MDGA2: variants seen among roughly 807,000 people sequenced by gnomAD.
MDGA2 encodes the protein MAM domain containing glycosylphosphatidylinositol anchor 2, also known as MAM domain-containing glycosylphosphatidylinositol anchor protein 2.
A neutral mutation model predicts 117.8 loss-of-function variants in MDGA2; 40 were observed. The ratio of observed to expected loss-of-function variants is 0.34; its 90% CI spans 0.26 to 0.44. The LOEUF is 0.44. Among genes scored for constraint, MDGA2 ranks in the 20% least tolerant of loss-of-function variants. The probability of loss-of-function intolerance (pLI) is 1.00; values close to 1 mark genes in which losing one functional copy is unlikely to be tolerated. For missense variants in MDGA2, 1,123 were observed against 1,250.6 expected (o/e 0.90, Z 1.54); for synonymous variants, 452 against 439.0 (o/e 1.03, Z -0.37).
At chr14:47,098,436 C>T (rs72678484) in intron 5 of MDGA2, among the ~76,000 whole-genome samples, 16,941 of 151,480 alleles carry the variant, frequency 0.11, 1,085 homozygotes, top group Admixed American at 0.11. Context: ...ATTAGCCCTT[C>T]TGAGGAGTTA....
rs1485890179 is a variant in MDGA2, at chr14:47,035,234, C to A, written c.1596G>T (p.Leu532=). ...TAGGTTTGCCAGTTACTTGACATTG[C>A]AGTTCTATTGTGTCTCCTTCTCTGG... ...LVTREGDTIE[L]QCQVTGKPKP... Residue 532 remains leucine, a synonymous_variant, in exon 8 of 17, where the codon CTG becomes CTT. Transcript: ENST00000399232. The A allele has an allele frequency of 6.2e-7, 1 of 1,614,016 alleles. No homozygotes were observed. Among genetic ancestry groups the A allele is most frequent in the African/African-American group, 1.3e-5 (1 of 74,932 alleles).
chr14:47,203,836 G>A (rs942909269), intron 3 of MDGA2, among the ~76,000 whole-genome samples: 4 of 151,818 alleles, frequency 2.6e-5, no homozygotes, highest in South Asian at 2.1e-4. Flanking sequence ...GTTAAAACCC[G>A]CAATATGGTT....
intron 14 of MDGA2, among the ~76,000 whole-genome samples, chr14:46,869,948 T>A (rs1459531896): frequency 6.6e-6 from 1 of 151,878 alleles, no homozygotes; most frequent in African/African-American, 2.4e-5. Flanking sequence ...GCAAGTGGGC[T>A]TGGAAGTGTA....
intron 1 of MDGA2, among the ~76,000 whole-genome samples, chr14:47,647,351 T>C (rs1268526098): frequency 6.6e-6 from 1 of 152,122 alleles, no homozygotes; most frequent in South Asian, 2.1e-4. Flanking sequence ...TTGCACTGTA[T>C]GAATCTTTGT....
At chr14:46,992,448 G>T (rs1887128640) in intron 8 of MDGA2, among the ~76,000 whole-genome samples, 1 of 151,986 alleles carries the variant, frequency 6.6e-6, no homozygotes. Flanking sequence ...CTTCCCATAA[G>T]GGGACAATTA....
intron 1 of MDGA2, among the ~76,000 whole-genome samples, chr14:47,557,827 C>G (rs1161351975): frequency 6.6e-6 from 1 of 152,078 alleles, no homozygotes; most frequent in African/African-American, 2.4e-5. Context: ...TCATCTTTAA[C>G]AAACATTTGA....
intron 7 of MDGA2, among the ~76,000 whole-genome samples, chr14:47,053,628 TATATATATATATATATATATATATATAC>T (rs1184708216): frequency 0.013 from 1,307 of 102,572 alleles, 21 homozygotes; most frequent in Admixed American, 0.017. Context: ...TATATATATA[TATATATATATATATATATATATATATAC>T]ACACACACAC....
intron 10 of MDGA2, among the ~76,000 whole-genome samples, chr14:46,910,265 C>A (rs187979759): frequency 5.9e-4 from 90 of 152,186 alleles, no homozygotes; most frequent in Middle Eastern, 6.8e-3. Flanking sequence ...CCAGATTTTG[C>A]CACATATATT....
intron 1 of MDGA2, among the ~76,000 whole-genome samples, chr14:47,661,213 T>G (rs944039491): frequency 6.6e-6 from 1 of 152,082 alleles, no homozygotes; most frequent in African/African-American, 2.4e-5. Context: ...AAGTATTTAC[T>G]TTTACATACA....
At chr14:47,522,843 T>C (rs1894897835) in intron 1 of MDGA2, among the ~76,000 whole-genome samples, 2 of 152,196 alleles carry the variant, frequency 1.3e-5, no homozygotes, top group Non-Finnish European at 2.9e-5. Flanking sequence ...TTTCGGGTAA[T>C]CTCCACAATT....
intron 1 of MDGA2, among the ~76,000 whole-genome samples, chr14:47,648,860 C>T (rs1464297728): frequency 6.6e-6 from 1 of 151,998 alleles, no homozygotes; most frequent in Non-Finnish European, 1.5e-5. Context: ...CTTTCTTAAA[C>T]CATATTTAAA....
chr14:47,207,559 A>G (rs903834357), intron 3 of MDGA2, among the ~76,000 whole-genome samples: 1 of 151,950 alleles, frequency 6.6e-6, no homozygotes, highest in Non-Finnish European at 1.5e-5. Flanking sequence ...CCCTTTCTCT[A>G]TTTTAGCTCA....
intron 1 of MDGA2, among the ~76,000 whole-genome samples, chr14:47,504,600 T>C (rs1263638611): frequency 6.6e-6 from 1 of 152,088 alleles, no homozygotes; most frequent in Non-Finnish European, 1.5e-5. Flanking sequence ...AAAATGCCCA[T>C]TACTGATCCT....
At chr14:47,380,803 T>A (rs557316439) in intron 1 of MDGA2, among the ~76,000 whole-genome samples, 1 of 152,104 alleles carries the variant, frequency 6.6e-6, no homozygotes, top group East Asian at 2.0e-4. Flanking sequence ...CTGGCACCAT[T>A]CCTTCTGAAA....
chr14:47,270,906 T>C (rs1034646090), intron 2 of MDGA2, among the ~76,000 whole-genome samples: 1 of 152,168 alleles, frequency 6.6e-6, no homozygotes, highest in East Asian at 1.9e-4. Flanking sequence ...TGATTTCCTC[T>C]AACCGCAATC....
At chr14:47,063,600 A>G (rs1889972852) in intron 6 of MDGA2, among the ~76,000 whole-genome samples, 1 of 152,058 alleles carries the variant, frequency 6.6e-6, no homozygotes, top group African/African-American at 2.4e-5. Flanking sequence ...TGTTAAAAAC[A>G]GATGTAAAAT....
At chr14:47,161,325 G>C (rs1883624056) in intron 3 of MDGA2, among the ~76,000 whole-genome samples, 1 of 151,864 alleles carries the variant, frequency 6.6e-6, no homozygotes, top group Admixed American at 6.6e-5. Context: ...TCAATTATCT[G>C]TTTAAGTGCC....
intron 1 of MDGA2, among the ~76,000 whole-genome samples, chr14:47,494,703 T>C (rs1383509011): frequency 6.6e-6 from 1 of 151,904 alleles, no homozygotes; most frequent in Non-Finnish European, 1.5e-5. Context: ...TGTTTGTATA[T>C]GGTGAGAGAG....
In MDGA2 at chr14:47,192,458, T is replaced by A. The variant is rs546186371; in HGVS notation, c.595+25563A>T. ...GGCAAAACCCCATCTCTACAAAAAA[T>A]ACAAAAATTAGCCTGGTGTGGTGGC... On this transcript the variant is annotated intron_variant, in intron 3 of 16. Transcript: ENST00000399232. 2.1e-3 allele frequency among the ~76,000 whole-genome samples: 313 copies of A among 151,686 alleles called. 3 individuals carry two copies. Among genetic ancestry groups the A allele is most frequent in the African/African-American group, 7.1e-3 (295 of 41,368 alleles).
Sources: allele counts gnomAD v4.1 joint callset (sites outside exome capture counted in the v4.1 genomes callset), GRCh38; gene constraint gnomAD v4.1.1; transcripts MANE v1.5; gene names NCBI Gene and HGNC (gene_info 2026-07-23, HGNC 2026-07-21).